PLN: variants seen among roughly 807,000 people sequenced by gnomAD.
The protein encoded by PLN is cardiac phospholamban.
PLN carries 1 observed loss-of-function variant against 3.9 expected under a neutral mutation model. That is an observed-to-expected ratio of 0.26 (90% CI 0.09 to 1.23). The LOEUF (loss-of-function observed/expected upper bound fraction) is 1.23, where lower values mean the gene tolerates loss of function less well. Ranked by LOEUF, PLN falls within the 50% of genes most tolerant of loss-of-function variation. PLN has a pLI of 0.48. For missense variants in PLN, 59 were observed against 62.7 expected, an observed-to-expected ratio of 0.94 and a Z score of 0.20; for synonymous variants, 21 against 20.5, an observed-to-expected ratio of 1.02 and a Z score of -0.07.
chr6:118,557,807 CAG>C (rs1778965932), intron 1 of PLN, among the ~76,000 whole-genome samples: 1 of 152,194 alleles, frequency 6.6e-6, no homozygotes, highest in African/African-American at 2.4e-5. Flanking sequence ...CAAAAGCACT[CAG>C]AGATCCCACC....
Position 118,559,071 on chromosome 6 carries a change from G to C in PLN, c.150G>C (p.Met50Ile). 6.2e-7 allele frequency: 1 copy of C among 1,611,220 alleles called. No homozygotes were observed. Among genetic ancestry groups the C allele is most frequent in the Non-Finnish European group, 8.5e-7 (1 of 1,177,376 alleles). The change falls in exon 2 of 2, where the codon ATG (methionine) becomes ATC (isoleucine). Residue 50 changes from methionine (M) to isoleucine (I), a missense_variant. Physicochemically the swap from Met to Ile is conservative, Grantham distance 10. Coordinates refer to ENST00000357525, the MANE Select transcript of PLN (RefSeq NM_002667.5). ...ICLLLICIIV[M>I]LL ...TCTTGCTGATCTGTATCATCGTGAT[G>C]CTTCTCTGAAGTTCTGCTACAACCT...
chr6:118,548,563 T>C (rs939391398), intron 1 of PLN, among the ~76,000 whole-genome samples, 171 bp downstream of exon 1: 9 of 152,102 alleles, frequency 5.9e-5, no homozygotes, highest in Non-Finnish European at 1.2e-4. Flanking sequence ...CTTATCCATT[T>C]AGTGACAGGA....
rs749900271 is a variant in PLN at position 118,558,918 on chromosome 6, T to C, written c.-4T>C. 1.2e-6 allele frequency: 2 copies of C among 1,613,140 alleles called. No homozygotes were observed. The highest frequency in any genetic ancestry group is 2.2e-5 in the South Asian group (2 of 91,050). On this transcript the variant is annotated 5_prime_UTR_variant, in exon 2 of 2. Coordinates refer to ENST00000357525, the MANE Select transcript of PLN (RefSeq NM_002667.5). ...AACTTCAGACTTCCTGTCCTGCTGGTATCATGGAGAAAGTCCAATACCTCA... is the reference window on the plus strand; with the variant it reads ...AACTTCAGACTTCCTGTCCTGCTGGCATCATGGAGAAAGTCCAATACCTCA...
At chr6:118,550,494 G>A (rs1024743126) in intron 1 of PLN, among the ~76,000 whole-genome samples, 14 of 151,716 alleles carry the variant, frequency 9.2e-5, no homozygotes, top group African/African-American at 3.1e-4. Context: ...TTCTTAAAGA[G>A]CAATTTCCTA....
At chr6:118,551,991 G>A (rs1778577442) in intron 1 of PLN, among the ~76,000 whole-genome samples, 1 of 151,884 alleles carries the variant, frequency 6.6e-6, no homozygotes, top group Non-Finnish European at 1.5e-5. Context: ...GCTTATCAGT[G>A]GAAATGTCAG....
intron 1 of PLN, among the ~76,000 whole-genome samples, chr6:118,556,486 A>G (rs1778883750): frequency 6.6e-6 from 1 of 152,138 alleles, no homozygotes; most frequent in Non-Finnish European, 1.5e-5. Flanking sequence ...CATAAACCAT[A>G]TGGTTTCTTT....
rs1008803787 is a variant in PLN, at chr6:118,561,187, A to T, written c.*2107A>T. Reference sequence around the variant, plus strand: ...GTGACGCCTCATCTACAAGCTGGAAATTCCTAAAAACAAGTAGAAAGCTTA... The same window carrying T: ...GTGACGCCTCATCTACAAGCTGGAATTTCCTAAAAACAAGTAGAAAGCTTA... On this transcript the variant is annotated 3_prime_UTR_variant, in exon 2 of 2. Coordinates refer to ENST00000357525, the MANE Select transcript of PLN (RefSeq NM_002667.5). 6.6e-6 allele frequency among the ~76,000 whole-genome samples: 1 copy of T among 152,198 alleles called. No individual in the cohort carries two copies. The highest frequency in any genetic ancestry group is 1.5e-5 in the Non-Finnish European group (1 of 68,026).
At chr6:118,551,638 C>A (rs1053624024) in intron 1 of PLN, among the ~76,000 whole-genome samples, 6 of 151,970 alleles carry the variant, frequency 3.9e-5, no homozygotes, top group Admixed American at 1.3e-4. Flanking sequence ...TTAATGAATT[C>A]TCCTCAAGAC....
At chr6:118,551,594 A>T (rs923862708) in intron 1 of PLN, among the ~76,000 whole-genome samples, 3 of 152,054 alleles carry the variant, frequency 2.0e-5, no homozygotes, top group Admixed American at 2.0e-4. Flanking sequence ...CTAAATTGTC[A>T]GTTTTAGAGA....
In PLN at chr6:118,560,985, T is replaced by G. The variant is rs1382292532; in HGVS notation, c.*1905T>G. Among the ~76,000 whole-genome samples, 5 of 152,188 alleles carry G rather than the reference T, an allele frequency of 3.3e-5. No individual in the cohort carries two copies. Among genetic ancestry groups the G allele is most frequent in the Non-Finnish European group, 7.3e-5 (5 of 68,040 alleles). ...ATTAACCATATCTTCTAAAACATGGTTACTAAAAGAATATGTAACATCAAT... is the reference window on the plus strand; with the variant it reads ...ATTAACCATATCTTCTAAAACATGGGTACTAAAAGAATATGTAACATCAAT... On this transcript the variant is annotated 3_prime_UTR_variant, in exon 2 of 2. Coordinates refer to ENST00000357525, the MANE Select transcript of PLN (RefSeq NM_002667.5).
intron 1 of PLN, among the ~76,000 whole-genome samples, chr6:118,553,834 G>A (rs1778690189): frequency 6.6e-6 from 1 of 152,062 alleles, no homozygotes; most frequent in Non-Finnish European, 1.5e-5. Flanking sequence ...CCTAGTTCAG[G>A]TTAATACTGT....
chr6:118,554,873 A>AT (rs1778760814), intron 1 of PLN, among the ~76,000 whole-genome samples: 1 of 152,214 alleles, frequency 6.6e-6, no homozygotes, highest in Admixed American at 6.5e-5. Context: ...GGAATGGAGT[A>AT]TTTATGGAAA....
At chr6:118,549,460 T>C (rs1434454794) in intron 1 of PLN, among the ~76,000 whole-genome samples, 1 of 151,852 alleles carries the variant, frequency 6.6e-6, no homozygotes, top group East Asian at 1.9e-4. Flanking sequence ...TTTATTTATT[T>C]TGATTTTCAT....
intron 1 of PLN, among the ~76,000 whole-genome samples, chr6:118,558,262 T>C (rs1324793537): frequency 6.6e-6 from 1 of 152,196 alleles, no homozygotes; most frequent in Non-Finnish European, 1.5e-5. Flanking sequence ...ATCTGGTTTT[T>C]ATTAATCTTT....
rs1779119160 is a variant in PLN, at chr6:118,559,841, T to C, written c.*761T>C. On this transcript the variant is annotated 3_prime_UTR_variant, in exon 2 of 2. Transcript: ENST00000357525. ...AACAGATGAGAACTGGTGGTTAATA[T>C]GTGACAGTGAGATTAGTCATATCAC... is the stretch of plus-strand genomic sequence containing the variant. 6.0e-6 allele frequency: 1 copy of C among 167,242 alleles called. No individual in the cohort carries two copies. Among genetic ancestry groups the C allele is most frequent in the South Asian group, 2.1e-4 (1 of 4,828 alleles). The allele number at this position is 167,242 out of a possible 1,614,324, so 10.4% of individuals were successfully genotyped here. A position where few individuals can be genotyped will look rare whatever the true frequency, so the allele number is the denominator to read the frequency against.
intron 1 of PLN, among the ~76,000 whole-genome samples, chr6:118,553,736 T>C (rs545665755): frequency 7.3e-4 from 111 of 152,306 alleles, no homozygotes; most frequent in African/African-American, 2.6e-3. Context: ...CTTTAAAGTA[T>C]GTTAACTATG....
intron 1 of PLN, among the ~76,000 whole-genome samples, chr6:118,557,216 T>G (rs192312255): frequency 3.9e-5 from 6 of 152,352 alleles, no homozygotes; most frequent in South Asian, 2.1e-4. Flanking sequence ...TAACACTATT[T>G]TATTTTAGAT....
intron 1 of PLN, 68 bp from the exon 2 acceptor site, chr6:118,558,749 GTGTAAAAT>G (rs1286661584): frequency 6.1e-6 from 4 of 651,368 alleles, no homozygotes; most frequent in Non-Finnish European, 1.1e-5. Flanking sequence ...AGATGAATTA[GTGTAAAAT>G]TGTATTTTTT....
chr6:118,551,189 C>G (rs1778521084), intron 1 of PLN, among the ~76,000 whole-genome samples: 1 of 151,708 alleles, frequency 6.6e-6, no homozygotes, highest in African/African-American at 2.4e-5. Flanking sequence ...AAGTTCTTAC[C>G]CAGAGTAATT....
Sources: allele counts gnomAD v4.1 joint callset (sites outside exome capture counted in the v4.1 genomes callset), GRCh38; gene constraint gnomAD v4.1.1; transcripts MANE v1.5; gene names NCBI Gene and HGNC (gene_info 2026-07-23, HGNC 2026-07-21).